KLHL32: variants seen among roughly 807,000 people sequenced by gnomAD.
KLHL32 encodes kelch-like protein 32.
Under a neutral mutation model 64.8 loss-of-function variants are expected in KLHL32, and 35 were observed. The ratio of observed to expected loss-of-function variants is 0.54; its 90% CI spans 0.41 to 0.72. KLHL32 has a LOEUF of 0.72. Among genes scored for constraint, KLHL32 ranks in the 30% least tolerant of loss-of-function variants. KLHL32 has a pLI of 0.00. For synonymous variants in KLHL32, 259 were observed against 281.0 expected (o/e 0.92, Z 0.78); for missense variants, 589 against 768.5 (o/e 0.77, Z 2.76).
At chr6:97,057,979 C>G (rs1181605538) in intron 4 of KLHL32, among the ~76,000 whole-genome samples, 1 of 152,058 alleles carries the variant, frequency 6.6e-6, no homozygotes, top group African/African-American at 2.4e-5. Flanking sequence ...TTAATCTAGC[C>G]CCATTCTTGA....
chr6:97,101,962 T>G (rs1246186449), intron 6 of KLHL32, among the ~76,000 whole-genome samples: 2 of 152,218 alleles, frequency 1.3e-5, no homozygotes, highest in Non-Finnish European at 2.9e-5. Flanking sequence ...GGAGGCATAT[T>G]GCCATCATAT....
chr6:97,059,703 A>T (rs954400476), intron 4 of KLHL32, among the ~76,000 whole-genome samples: 1 of 152,232 alleles, frequency 6.6e-6, no homozygotes, highest in Admixed American at 6.5e-5. Context: ...CTAGATTGGT[A>T]GAAATTTCTC....
chr6:96,998,400 C>A (rs978622809), intron 3 of KLHL32, among the ~76,000 whole-genome samples: 5 of 152,090 alleles, frequency 3.3e-5, no homozygotes, highest in Non-Finnish European at 5.9e-5. Flanking sequence ...TAACTTGGAA[C>A]AACATACACT....
rs781050672 is a variant in KLHL32 at position 96,925,976 on chromosome 6, C to G, written c.-66+950C>G. The stretch of plus-strand genomic sequence containing the variant: ...GCTTTTTGTTTTTTTTCTGATGGGA[C>G]TGGGTCCTCTACTGGAACACTGATA... On this transcript the variant is annotated intron_variant, in intron 1 of 10. Coordinates refer to ENST00000369261, the MANE Select transcript of KLHL32 (RefSeq NM_052904.4). Among the ~76,000 whole-genome samples the G allele has an allele frequency of 2.9e-4, 44 of 152,050 alleles. 1 individual carries two copies. In the Middle Eastern group the frequency reaches 0.017, roughly 59 times the overall value.
At chr6:97,107,018 C>T (rs533285462) in intron 6 of KLHL32, among the ~76,000 whole-genome samples, 315 of 152,004 alleles carry the variant, frequency 2.1e-3, no homozygotes, top group Non-Finnish European at 3.6e-3. Context: ...TTGGGCTGAG[C>T]GCGGTGGCTC....
intron 3 of KLHL32, among the ~76,000 whole-genome samples, chr6:97,016,988 C>A (rs1023237888): frequency 1.3e-5 from 2 of 152,146 alleles, no homozygotes; most frequent in South Asian, 4.1e-4. Flanking sequence ...CTGAAGCCTC[C>A]CCAGCCATGT....
chr6:96,898,462 C>G, the KLHL32 span, among the ~76,000 whole-genome samples: 1 of 152,280 alleles, frequency 6.6e-6, no homozygotes, highest in South Asian at 2.1e-4. Flanking sequence ...CCGCCTGATG[C>G]ATTTTCAAGC....
rs551253001 is a variant in KLHL32 at position 97,091,196 on chromosome 6, G to A, written c.627+5855G>A. Among the ~76,000 whole-genome samples the A allele has an allele frequency of 1.3e-4, 20 of 152,302 alleles. No individual in the cohort carries two copies. The South Asian group carries it at 3.3e-3, about 25-fold the overall frequency. On this transcript the variant is annotated intron_variant, in intron 6 of 10. Coordinates refer to ENST00000369261, the MANE Select transcript of KLHL32 (RefSeq NM_052904.4). Reference sequence around the variant, plus strand: ...TGCTCTCCAGCCTGGGCAATAGAGCGAGACCCTGTCTGGAAGAAAAAAAAC... The same window carrying A: ...TGCTCTCCAGCCTGGGCAATAGAGCAAGACCCTGTCTGGAAGAAAAAAAAC...
At chr6:96,999,311 A>G (rs1283034402) in intron 3 of KLHL32, among the ~76,000 whole-genome samples, 1 of 152,130 alleles carries the variant, frequency 6.6e-6, no homozygotes, top group East Asian at 1.9e-4. Flanking sequence ...TGGGAGGGTC[A>G]TTTGAGCCTG....
chr6:96,906,510 C>A, the KLHL32 span, among the ~76,000 whole-genome samples: 1 of 152,096 alleles, frequency 6.6e-6, no homozygotes, highest in Non-Finnish European at 1.5e-5. Flanking sequence ...AGCCATAGGT[C>A]TCTCTTAGAA....
At chr6:96,914,855 A>T in the KLHL32 span, 1 of 151,994 alleles carries the variant, frequency 6.6e-6, no homozygotes, top group Admixed American at 6.6e-5. Flanking sequence ...TGTTCCCGGG[A>T]GGTGACCATA....
At chr6:97,004,323 T>G (rs1173310272) in intron 3 of KLHL32, among the ~76,000 whole-genome samples, 2 of 152,190 alleles carry the variant, frequency 1.3e-5, no homozygotes, top group Admixed American at 6.5e-5. Context: ...GTACACTGAT[T>G]TTGTATTCTG....
At chr6:96,986,947 C>G (rs1777174493) in intron 3 of KLHL32, among the ~76,000 whole-genome samples, 1 of 152,182 alleles carries the variant, frequency 6.6e-6, no homozygotes, top group South Asian at 2.1e-4. Flanking sequence ...CAGAAATCAC[C>G]TGTCTTCTGC....
intron 4 of KLHL32, among the ~76,000 whole-genome samples, chr6:97,058,711 A>G (rs1201297728): frequency 6.6e-6 from 1 of 152,022 alleles, no homozygotes; most frequent in African/African-American, 2.4e-5. Flanking sequence ...TTGTTCTTTG[A>G]CCTCTCCTTT....
chr6:97,024,229 C>T (rs1782403962), intron 3 of KLHL32, among the ~76,000 whole-genome samples: 1 of 152,196 alleles, frequency 6.6e-6, no homozygotes, highest in African/African-American at 2.4e-5. Flanking sequence ...CGGGCTGTTA[C>T]AGAGCCTCAC....
intron 7 of KLHL32, among the ~76,000 whole-genome samples, chr6:97,121,653 T>TA (rs1329417036): frequency 6.6e-6 from 1 of 152,174 alleles, no homozygotes; most frequent in Non-Finnish European, 1.5e-5. Flanking sequence ...TTGTTTTTTT[T>TA]AATGTCCAAA....
At chr6:96,960,583 G>A (rs1003996805) in intron 1 of KLHL32, among the ~76,000 whole-genome samples, 1 of 152,188 alleles carries the variant, frequency 6.6e-6, no homozygotes, top group Non-Finnish European at 1.5e-5. Flanking sequence ...GAATAAACCA[G>A]TGTTGGCAAA....
intron 4 of KLHL32, among the ~76,000 whole-genome samples, chr6:97,052,521 C>T (rs1787098597): frequency 6.6e-6 from 1 of 152,172 alleles, no homozygotes; most frequent in African/African-American, 2.4e-5. Flanking sequence ...TCTGTGTAAA[C>T]AAATGTTTCA....
intron 3 of KLHL32, among the ~76,000 whole-genome samples, chr6:97,012,985 A>G (rs1323372396): frequency 6.6e-6 from 1 of 152,184 alleles, no homozygotes; most frequent in Non-Finnish European, 1.5e-5. Flanking sequence ...TCTTGTTAAT[A>G]ATAGAGATCT....
Sources: gnomAD v4.1 joint callset for allele counts (sites outside exome capture counted in the v4.1 genomes callset) on GRCh38, gnomAD v4.1.1 for gene constraint, MANE v1.5 for transcripts, NCBI Gene and HGNC (gene_info 2026-07-23, HGNC 2026-07-21) for gene names.